The following SDK1 variants were observed in gnomAD, a reference collection of about 807,000 sequenced individuals.
The protein encoded by SDK1 is sidekick cell adhesion molecule 1.
SDK1 carries 157 observed loss-of-function variants against 245.5 expected under a neutral mutation model. The ratio of observed to expected loss-of-function variants is 0.64; its 90% confidence interval spans 0.56 to 0.73. SDK1 has a LOEUF of 0.73. SDK1 is among the 30% of genes least tolerant of loss of function. The probability of loss-of-function intolerance (pLI) is 0.00; values close to 1 mark genes in which losing one functional copy is unlikely to be tolerated. For synonymous variants in SDK1, 1,647 were observed against 1,278.5 expected (o/e 1.29, Z -6.15); for missense variants, 3,583 against 3,002.3 (o/e 1.19, Z -4.52).
intron 4 of SDK1, among the ~76,000 whole-genome samples, chr7:3,703,808 G>T (rs539651879): frequency 1.3e-5 from 2 of 152,166 alleles, no homozygotes; most frequent in South Asian, 4.1e-4. Flanking sequence ...TTCCCAAGAC[G>T]TGTGAATTTG....
At chr7:3,490,533 C>A (rs563548602) in intron 1 of SDK1, among the ~76,000 whole-genome samples, 2 of 152,280 alleles carry the variant, frequency 1.3e-5, no homozygotes, top group Admixed American at 1.3e-4. Flanking sequence ...CTTTAAACAT[C>A]TTATTTTTTG....
chr7:3,561,734 C>T (rs916184267), intron 1 of SDK1, among the ~76,000 whole-genome samples: 8 of 152,156 alleles, frequency 5.3e-5, no homozygotes, highest in Non-Finnish European at 1.0e-4. Context: ...TATTAAAGGC[C>T]AGGCTACAAA....
intron 3 of SDK1, among the ~76,000 whole-genome samples, chr7:3,639,549 C>A (rs1330129509): frequency 6.6e-6 from 1 of 152,084 alleles, no homozygotes; most frequent in Non-Finnish European, 1.5e-5. Flanking sequence ...GGATAGTGAG[C>A]GTCCCCGATG....
intron 4 of SDK1, among the ~76,000 whole-genome samples, chr7:3,695,725 T>C (rs1203592083): frequency 6.6e-6 from 1 of 152,190 alleles, no homozygotes; most frequent in African/African-American, 2.4e-5. Context: ...ATTTTCCTTA[T>C]AACATGCACT....
chr7:3,303,958 G>A (rs896764336), intron 1 of SDK1, among the ~76,000 whole-genome samples: 3 of 152,076 alleles, frequency 2.0e-5, no homozygotes, highest in African/African-American at 7.2e-5. Flanking sequence ...ACGTTGGAGC[G>A]CCTCCTAAGT....
Position 3,429,006 on chromosome 7 carries a change from T to C in SDK1, c.298+127122T>C, listed in dbSNP as rs1158070397. Among the ~76,000 whole-genome samples, 3 of 152,212 alleles carry C rather than the reference T, an allele frequency of 2.0e-5. 1 individual carries two copies. The highest frequency in any genetic ancestry group is 1.3e-4 in the Admixed American group (2 of 15,276). ...ATTCAGAAATAAGTTCAGTTAGTTCTCTTAGGAATAAGTTAAATAGTGTCT... is the reference window on the plus strand; with the variant it reads ...ATTCAGAAATAAGTTCAGTTAGTTCCCTTAGGAATAAGTTAAATAGTGTCT... On this transcript the variant is annotated intron_variant, in intron 1 of 44. Coordinates refer to ENST00000404826, the MANE Select transcript of SDK1 (RefSeq NM_152744.4).
intron 20 of SDK1, among the ~76,000 whole-genome samples, chr7:4,071,537 G>A (rs1293675506): frequency 1.3e-5 from 2 of 152,224 alleles, no homozygotes; most frequent in African/African-American, 4.8e-5. Flanking sequence ...GTTGCCTGGA[G>A]TCGAAGGAAT....
intron 1 of SDK1, among the ~76,000 whole-genome samples, chr7:3,569,922 T>A (rs921406572): frequency 6.6e-6 from 1 of 152,176 alleles, no homozygotes; most frequent in South Asian, 2.1e-4. Context: ...TAAACCACCA[T>A]CTCCTTTTCC....
At chr7:4,045,640 G>A (rs942677809) in intron 17 of SDK1, among the ~76,000 whole-genome samples, 4 of 152,032 alleles carry the variant, frequency 2.6e-5, no homozygotes, top group Non-Finnish European at 4.4e-5. Context: ...GTTTAACTTC[G>A]TAAGAAAGCA....
At chr7:4,143,901 C>T (rs1779765453) in intron 28 of SDK1, among the ~76,000 whole-genome samples, 1 of 152,212 alleles carries the variant, frequency 6.6e-6, no homozygotes, top group South Asian at 2.1e-4. Flanking sequence ...GGAAGCGTTG[C>T]AGGGATGCAG....
chr7:3,769,835 G>C (rs955635621), intron 4 of SDK1, among the ~76,000 whole-genome samples: 10 of 151,742 alleles, frequency 6.6e-5, no homozygotes, highest in African/African-American at 2.4e-4. Context: ...CCAGTCCTGG[G>C]GTCCCTAGCC....
chr7:3,441,559 G>C (rs936614353), intron 1 of SDK1, among the ~76,000 whole-genome samples: 1 of 151,698 alleles, frequency 6.6e-6, no homozygotes, highest in African/African-American at 2.4e-5. Flanking sequence ...GTTTTGTTCC[G>C]TTGATACATT....
At chr7:4,077,939 G>C (rs1365351924) in intron 21 of SDK1, among the ~76,000 whole-genome samples, 1 of 152,144 alleles carries the variant, frequency 6.6e-6, no homozygotes, top group Non-Finnish European at 1.5e-5. Context: ...TAGCGACCAA[G>C]GTTAACACTA....
intron 4 of SDK1, among the ~76,000 whole-genome samples, chr7:3,688,685 A>G (rs752439686): frequency 2.0e-5 from 3 of 152,308 alleles, no homozygotes; most frequent in South Asian, 2.1e-4. Flanking sequence ...AGTAGATAGT[A>G]TGTAAAGTAT....
intron 4 of SDK1, among the ~76,000 whole-genome samples, chr7:3,681,713 T>G (rs942114339): frequency 6.6e-6 from 1 of 152,186 alleles, no homozygotes; most frequent in African/African-American, 2.4e-5. Context: ...TGGGACATAG[T>G]AGGCACATAA....
At chr7:3,345,094 C>T (rs532378891) in intron 1 of SDK1, among the ~76,000 whole-genome samples, 1 of 152,272 alleles carries the variant, frequency 6.6e-6, no homozygotes, top group East Asian at 1.9e-4. Flanking sequence ...TGTTGTAGAA[C>T]TTCGGGTCTC....
intron 17 of SDK1, among the ~76,000 whole-genome samples, chr7:4,021,374 C>T (rs1786882452): frequency 2.0e-5 from 3 of 152,106 alleles, no homozygotes; most frequent in Non-Finnish European, 4.4e-5. Flanking sequence ...GGCGGGGACA[C>T]CTCAGAGTTT....
At chr7:3,352,502 TG>T (rs1467748903) in intron 1 of SDK1, among the ~76,000 whole-genome samples, 1 of 152,184 alleles carries the variant, frequency 6.6e-6, no homozygotes, top group Non-Finnish European at 1.5e-5. Flanking sequence ...CTGTGGCTCC[TG>T]TTTTTATTCA....
intron 1 of SDK1, among the ~76,000 whole-genome samples, chr7:3,528,167 C>T (rs562735502): frequency 6.9e-4 from 72 of 104,646 alleles, no homozygotes; most frequent in Non-Finnish European, 3.0e-4. Flanking sequence ...TGACAGTCAG[C>T]TAGGGGGTGA....
Sources: allele counts gnomAD v4.1 joint callset (sites outside exome capture counted in the v4.1 genomes callset), GRCh38; gene constraint gnomAD v4.1.1; transcripts MANE v1.5; gene names NCBI Gene and HGNC (gene_info 2026-07-23, HGNC 2026-07-21).